Variants in HTR2A observed in about 807,000 individuals in gnomAD.
The protein encoded by HTR2A is 5-hydroxytryptamine receptor 2A.
In HTR2A, 14 loss-of-function variants were observed where a neutral mutation model predicts 31.0. That is an observed-to-expected ratio of 0.45 (90% CI 0.30 to 0.71). HTR2A has a LOEUF of 0.71. Among genes scored for constraint, HTR2A ranks in the 30% least tolerant of loss-of-function variants. HTR2A has a pLI of 0.09. For missense variants in HTR2A, 442 were observed against 573.3 expected (o/e 0.77, Z 2.34); for synonymous variants, 209 against 225.2 (o/e 0.93, Z 0.64).
At chr13:46,866,871 AC>A (rs748067536) in intron 3 of HTR2A, among the ~76,000 whole-genome samples, 1 of 152,174 alleles carries the variant, frequency 6.6e-6, no homozygotes, top group Non-Finnish European at 1.5e-5. Context: ...TACTAAAAAT[AC>A]AAAGATTAGC....
chr13:46,858,021 GC>G (rs1341610681), intron 3 of HTR2A, among the ~76,000 whole-genome samples: 2 of 152,290 alleles, frequency 1.3e-5, no homozygotes, highest in South Asian at 4.2e-4. Context: ...GAGAAACATT[GC>G]CACTGGGGAC....
chr13:46,877,733 A>G (rs1283243607), intron 3 of HTR2A, among the ~76,000 whole-genome samples: 2 of 152,090 alleles, frequency 1.3e-5, no homozygotes, highest in Non-Finnish European at 2.9e-5. Flanking sequence ...AAATATAGAG[A>G]TATGGAGGGG....
chr13:46,892,319 A>AAT, intron 3 of HTR2A, 71 bp downstream of exon 3: 1 of 1,448,262 alleles, frequency 6.9e-7, no homozygotes, highest in South Asian at 1.2e-5. Flanking sequence ...AGTACAACAA[A>AAT]ATGGAACAAG....
chr13:46,891,330 G>A (rs971184682), intron 3 of HTR2A, among the ~76,000 whole-genome samples: 2 of 152,222 alleles, frequency 1.3e-5, no homozygotes, highest in African/African-American at 4.8e-5. Flanking sequence ...CTTACTGGCT[G>A]TGGGGCTTTG....
At chr13:46,886,943 C>A (rs1951010809) in intron 3 of HTR2A, among the ~76,000 whole-genome samples, 1 of 152,128 alleles carries the variant, frequency 6.6e-6, no homozygotes, top group African/African-American at 2.4e-5. Context: ...GGTATAAAGG[C>A]AAACTAGAAA....
In HTR2A at chr13:46,896,078, G is replaced by T; in HGVS notation, c.-172C>A. 1 of 1,361,918 alleles carries T rather than the reference G, an allele frequency of 7.3e-7. No individual in the cohort carries two copies. Among genetic ancestry groups the T allele is most frequent in the Non-Finnish European group, 9.4e-7 (1 of 1,064,392 alleles). 84.4% of individuals were successfully genotyped at this position (1,361,918 alleles called of 1,614,324 possible). On this transcript the variant is annotated 5_prime_UTR_variant, in exon 2 of 4. It introduces an in-frame stop codon into an upstream open reading frame of the 5' UTR. Coordinates refer to ENST00000542664, the MANE Select transcript of HTR2A (RefSeq NM_000621.5). ...TTATTACAATGATAGTTAAAGAACT[G>T]AACTGTGGTGGCTGTAAGTTTTCTT... is the stretch of plus-strand genomic sequence containing the variant.
rs546862738 is a variant in HTR2A at position 46,895,351 on chromosome 13, T to C, written c.412+144A>G. On this transcript the variant is annotated intron_variant, in intron 2 of 3. Coordinates refer to ENST00000542664, the MANE Select transcript of HTR2A (RefSeq NM_000621.5). This position sits in a 1 kb window ranked among gnomAD's most constrained non-coding sequence, Gnocchi z 4.4. ...GAAATCCCATTTTAAGAGTAAAATA[T>C]AAGTAACATAGTAGGCTCTAGTCTA... 1.0e-5 allele frequency: 7 copies of C among 699,442 alleles called. No homozygotes were observed. The South Asian group carries it at 1.2e-4, about 12-fold the overall frequency. The allele number at this position is 699,442 out of a possible 1,614,324, so 43.3% of individuals were successfully genotyped here. A position where few individuals can be genotyped will look rare whatever the true frequency, so the allele number is the denominator to read the frequency against.
At chr13:46,855,579 C>A (rs1294066709) in intron 3 of HTR2A, among the ~76,000 whole-genome samples, 1 of 151,980 alleles carries the variant, frequency 6.6e-6, no homozygotes, top group Non-Finnish European at 1.5e-5. Flanking sequence ...ATTCTTCATT[C>A]TGTGTGGCCA....
At chr13:46,890,878 G>A (rs1347472443) in intron 3 of HTR2A, among the ~76,000 whole-genome samples, 2 of 152,032 alleles carry the variant, frequency 1.3e-5, no homozygotes, top group Non-Finnish European at 2.9e-5. Flanking sequence ...GAATCACCTG[G>A]CCTCACCCTA....
At chr13:46,862,852 TA>T (rs1950790967) in intron 3 of HTR2A, among the ~76,000 whole-genome samples, 1 of 152,238 alleles carries the variant, frequency 6.6e-6, no homozygotes, top group South Asian at 2.1e-4. Flanking sequence ...TATAAAATTA[TA>T]GGGGGATAAT....
chr13:46,896,369 A>C, intron 1 of HTR2A, 135 bp from the exon 2 acceptor site: 1 of 456,394 alleles, frequency 2.2e-6, no homozygotes, highest in Non-Finnish European at 3.4e-6. Context: ...GTGGGGATGT[A>C]CACATTCTAC....
chr13:46,884,295 G>A (rs139287250), intron 3 of HTR2A, among the ~76,000 whole-genome samples: 20 of 152,290 alleles, frequency 1.3e-4, no homozygotes, highest in Admixed American at 1.3e-3. Flanking sequence ...ATTTCAGACT[G>A]TGGTTAACTG....
chr13:46,872,762 AG>A (rs1950873226), intron 3 of HTR2A, among the ~76,000 whole-genome samples: 1 of 152,240 alleles, frequency 6.6e-6, no homozygotes, highest in African/African-American at 2.4e-5. Flanking sequence ...AGATGTTAAA[AG>A]TCTGCTCCAA....
intron 3 of HTR2A, among the ~76,000 whole-genome samples, chr13:46,881,710 GCTGA>G (rs1386671801): frequency 3.3e-5 from 5 of 152,108 alleles, no homozygotes; most frequent in Non-Finnish European, 5.9e-5. Context: ...TACTTCTTAG[GCTGA>G]CTAATAGCCG....
At chr13:46,839,079 T>C (rs1593425239) in intron 3 of HTR2A, among the ~76,000 whole-genome samples, 1 of 152,106 alleles carries the variant, frequency 6.6e-6, no homozygotes, top group East Asian at 1.9e-4. Flanking sequence ...AATCCCTCTC[T>C]TAAATGCCCG....
chr13:46,861,024 A>T (rs1264646989), intron 3 of HTR2A, among the ~76,000 whole-genome samples: 1 of 152,220 alleles, frequency 6.6e-6, no homozygotes, highest in Non-Finnish European at 1.5e-5. Context: ...GATTACTTAA[A>T]ATTAGACTCA....
chr13:46,881,822 C>T (rs1950966389), intron 3 of HTR2A, among the ~76,000 whole-genome samples: 1 of 152,138 alleles, frequency 6.6e-6, no homozygotes, highest in African/African-American at 2.4e-5. Flanking sequence ...CTGGGAATGT[C>T]CTCCAGTGTA....
At chr13:46,849,957 C>T (rs942601720) in intron 3 of HTR2A, among the ~76,000 whole-genome samples, 3 of 152,078 alleles carry the variant, frequency 2.0e-5, no homozygotes, top group Non-Finnish European at 4.4e-5. Flanking sequence ...AATGCAGAGG[C>T]CTTTGGGAAC....
intron 3 of HTR2A, among the ~76,000 whole-genome samples, chr13:46,861,592 G>C (rs1483078620): frequency 1.3e-5 from 2 of 152,190 alleles, no homozygotes; most frequent in African/African-American, 4.8e-5. Context: ...CAAGCATTTT[G>C]AACTTACTGG....
Sources: gnomAD v4.1 joint callset for allele counts (sites outside exome capture counted in the v4.1 genomes callset) on GRCh38, gnomAD v4.1.1 for gene constraint, Gnocchi (gnomAD v3.1) non-coding constraint, MANE v1.5 for transcripts, NCBI Gene and HGNC (gene_info 2026-07-23, HGNC 2026-07-21) for gene names.